The following USP36 variants were observed in gnomAD, a reference collection of about 807,000 sequenced individuals.
The protein encoded by USP36 is ubiquitin carboxyl-terminal hydrolase 36.
USP36 carries 59 observed loss-of-function variants against 111.5 expected under a neutral mutation model. The ratio of observed to expected loss-of-function variants is 0.53; its 90% CI spans 0.43 to 0.66. USP36 has a LOEUF of 0.66. Ranked by LOEUF, USP36 falls within the 30% of genes least tolerant of loss-of-function variation. The probability of loss-of-function intolerance (pLI) is 0.00; values close to 1 mark genes in which losing one functional copy is unlikely to be tolerated. For synonymous variants in USP36, 628 were observed against 581.0 expected (o/e 1.08, Z -1.16); for missense variants, 1,488 against 1,468.0 (o/e 1.01, Z -0.22).
Position 78,820,206 on chromosome 17 carries a change from G to A in USP36, c.829-194C>T, listed in dbSNP as rs578047670. On this transcript the variant is annotated intron_variant, in intron 8 of 20. Coordinates refer to ENST00000449938, the MANE Select transcript of USP36 (RefSeq NM_001385174.1). ...AGAAATGAAAGCAGCCAGGAACAGC[G>A]GCTCACGCCTATAATCCCAGCACCT... Among the ~76,000 whole-genome samples, 214 of 152,296 alleles carry A rather than the reference G, an allele frequency of 1.4e-3. 1 individual carries two copies. Among genetic ancestry groups the A allele is most frequent in the African/African-American group, 4.6e-3 (193 of 41,546 alleles).
At chr17:78,824,885 G>A (rs1465722021) in intron 6 of USP36, among the ~76,000 whole-genome samples, 13 of 152,186 alleles carry the variant, frequency 8.5e-5, no homozygotes, top group Admixed American at 6.5e-4. Context: ...CACTGGCCAT[G>A]GCAGAATTCA....
At chr17:78,833,748 T>C (rs1311628569) in intron 4 of USP36, among the ~76,000 whole-genome samples, 1 of 152,248 alleles carries the variant, frequency 6.6e-6, no homozygotes, top group African/African-American at 2.4e-5. Flanking sequence ...TACAGTTTTT[T>C]AGAAACTGTG....
chr17:78,831,041 A>C (rs2068039737), intron 4 of USP36, among the ~76,000 whole-genome samples: 1 of 151,272 alleles, frequency 6.6e-6, no homozygotes, highest in Non-Finnish European at 1.5e-5. Context: ...CCTGGCTTAC[A>C]CAGTGAAACC....
chr17:78,816,796 G>C (rs1009106290), intron 10 of USP36, among the ~76,000 whole-genome samples: 5 of 152,010 alleles, frequency 3.3e-5, no homozygotes, highest in Non-Finnish European at 7.4e-5. Context: ...TTTTTAAACT[G>C]AGTTGTGGGA....
intron 3 of USP36, among the ~76,000 whole-genome samples, chr17:78,789,668 CTGTT>C (rs1317332238): frequency 6.6e-6 from 1 of 152,222 alleles, no homozygotes; most frequent in African/African-American, 2.4e-5. Context: ...CACTTAAAAT[CTGTT>C]TGTAATGGAA....
At chr17:78,800,381 C>T (rs11077397) in intron 17 of USP36, among the ~76,000 whole-genome samples, 61,660 of 152,158 alleles carry the variant, frequency 0.41, 14,976 homozygotes, top group Non-Finnish European at 0.54. Context: ...TCAGCAACAC[C>T]GCACAGGTCC....
chr17:78,803,048 C>T lies in USP36; in HGVS notation c.2810+337G>A, dbSNP rs1336844140. ...CCACCTCCTGGGCTCAAACCATCCT[C>T]CCACCTCAGCCTCCTGAGTAGCTGG... On this transcript the variant is annotated intron_variant, in intron 16 of 20. Coordinates refer to ENST00000449938, the MANE Select transcript of USP36 (RefSeq NM_001385174.1). This position sits in a 1 kb window ranked among gnomAD's most constrained non-coding sequence, Gnocchi z 4.6. 2.0e-5 allele frequency among the ~76,000 whole-genome samples: 3 copies of T among 152,270 alleles called. No individual in the cohort carries two copies. In the East Asian group the frequency reaches 5.8e-4, roughly 29 times the overall value.
chr17:78,818,366 A>G (rs945758285), intron 10 of USP36, among the ~76,000 whole-genome samples: 1 of 152,150 alleles, frequency 6.6e-6, no homozygotes, highest in Non-Finnish European at 1.5e-5. Context: ...GGGATTTTGC[A>G]AAAATGCAGA....
intron 5 of USP36, 32 bp from the exon 6 acceptor site, chr17:78,827,379 T>C (rs1317132374): frequency 1.9e-6 from 3 of 1,583,312 alleles, no homozygotes; most frequent in South Asian, 2.3e-5. Flanking sequence ...AGGGAAGAGC[T>C]CGTGTCTTCT....
intron 13 of USP36, among the ~76,000 whole-genome samples, chr17:78,811,088 G>A (rs34518375): frequency 0.064 from 8,699 of 136,580 alleles, 469 homozygotes; most frequent in African/African-American, 0.15. Context: ...CTGAGATGGC[G>A]CCACTGCACT....
At chr17:78,812,808 T>C in intron 13 of USP36, 52 bp downstream of exon 13, 6 of 1,604,472 alleles carry the variant, frequency 3.7e-6, no homozygotes, top group Non-Finnish European at 5.1e-6. Context: ...TGAGGAGGTC[T>C]GTGAGGAGCA....
chr17:78,814,451 G>A lies in USP36; in HGVS notation c.1125C>T (p.Gly375=). 1 of 1,614,158 alleles carries A rather than the reference G, an allele frequency of 6.2e-7. No individual in the cohort carries two copies. Among genetic ancestry groups the A allele is most frequent in the Non-Finnish European group, 8.5e-7 (1 of 1,180,022 alleles). The change falls in exon 11 of 21, where the codon GGC becomes GGT. Residue 375 remains glycine, a synonymous_variant. Coordinates refer to ENST00000449938, the MANE Select transcript of USP36 (RefSeq NM_001385174.1). ...AATAGTGCCCGGCATGGCAGCTGTA[G>A]CCCGAGTGCACCAGGACAGCATAGA... The part of the protein sequence containing the change: ...YGLYAVLVHS[G]YSCHAGHYYC...
At chr17:78,835,202 G>A (rs2068546936) in intron 4 of USP36, 78 bp downstream of exon 4, 1 of 1,442,946 alleles carries the variant, frequency 6.9e-7, no homozygotes, top group Non-Finnish European at 9.6e-7. Context: ...CAGACTGAGA[G>A]CAGCAGTGCC....
chr17:78,808,609 T>C (rs553403744), intron 13 of USP36, among the ~76,000 whole-genome samples: 1 of 152,342 alleles, frequency 6.6e-6, no homozygotes, highest in Admixed American at 6.5e-5. Context: ...ACACATTAAC[T>C]GTATGGTTAA....
At chr17:78,814,610 T>C (rs2094138182) in intron 10 of USP36, 58 bp from the exon 11 acceptor site, 2 of 1,580,472 alleles carry the variant, frequency 1.3e-6, no homozygotes. Flanking sequence ...AAAGATCAAT[T>C]TGCCCTTTCC....
chr17:78,833,712 C>A (rs2068372442), intron 4 of USP36, among the ~76,000 whole-genome samples: 1 of 152,172 alleles, frequency 6.6e-6, no homozygotes, highest in Non-Finnish European at 1.5e-5. Context: ...AAACATCCTG[C>A]ATTCCTAGGA....
Position 78,803,812 on chromosome 17 carries a change from G to C in USP36, c.2383C>G (p.Pro795Ala). Reference sequence around the variant, plus strand: ...TCACTGGCCTCTGGCAACTGGTGTGGAAGAGACACAAGGTCCTCGTTGACC... The same window carrying C: ...TCACTGGCCTCTGGCAACTGGTGTGCAAGAGACACAAGGTCCTCGTTGACC... ...PQVNEDLVSL[P>A]HQLPEASEPP... The change falls in exon 16 of 21, where the codon CCA becomes GCA. Residue 795 changes from proline to alanine, a missense_variant. Pro to Ala is a conservative substitution (Grantham distance 27). Around this residue, in one of 3 missense-constraint regions of USP36, gnomAD observed 1,073 missense variants for 994.1 expected, o/e 1.08. Transcript: ENST00000449938. The surrounding 1 kb of genome is among the most constrained non-coding windows in gnomAD (Gnocchi z 4.6). 1.2e-6 allele frequency: 2 copies of C among 1,612,914 alleles called. No homozygotes were observed. Among genetic ancestry groups the C allele is most frequent in the Non-Finnish European group, 1.7e-6 (2 of 1,180,012 alleles).
chr17:78,818,419 G>A (rs1025145598), intron 10 of USP36, among the ~76,000 whole-genome samples: 1 of 152,202 alleles, frequency 6.6e-6, no homozygotes, highest in Non-Finnish European at 1.5e-5. Context: ...CACTGGCACT[G>A]GGATAAACCC....
intron 17 of USP36, 139 bp downstream of exon 17, chr17:78,802,185 C>A: frequency 1.3e-6 from 1 of 752,416 alleles, no homozygotes; most frequent in Non-Finnish European, 1.9e-6. Flanking sequence ...GCCCGGTGCA[C>A]ACCCACGCGG....
Sources: allele counts gnomAD v4.1 joint callset (sites outside exome capture counted in the v4.1 genomes callset), GRCh38; gene constraint gnomAD v4.1.1; regional missense constraint gnomAD v4.1.1; non-coding constraint Gnocchi (gnomAD v3.1); transcripts MANE v1.5; gene names NCBI Gene and HGNC (gene_info 2026-07-23, HGNC 2026-07-21).